The following KCNB2 variants were observed in gnomAD, a reference collection of about 807,000 sequenced individuals.
KCNB2 encodes delayed rectifier potassium channel protein.
Under a neutral mutation model 61.5 loss-of-function variants are expected in KCNB2, and 15 were observed. That is an observed-to-expected ratio of 0.24 (90% CI 0.16 to 0.38). The LOEUF (loss-of-function observed/expected upper bound fraction) is 0.38, where lower values mean the gene tolerates loss of function less well. Among genes scored for constraint, KCNB2 ranks in the 10% least tolerant of loss-of-function variants. KCNB2 has a pLI of 1.00. For missense variants in KCNB2, 828 were observed against 1,125.2 expected (o/e 0.74, Z 3.78); for synonymous variants, 457 against 446.0 (o/e 1.02, Z -0.31).
At chr8:72,600,799 G>C (rs1805336524) in intron 2 of KCNB2, among the ~76,000 whole-genome samples, 1 of 152,020 alleles carries the variant, frequency 6.6e-6, no homozygotes, top group Non-Finnish European at 1.5e-5. Flanking sequence ...AGAACACATG[G>C]ATGCATAGAG....
intron 2 of KCNB2, among the ~76,000 whole-genome samples, chr8:72,796,263 G>A (rs1200042658): frequency 6.6e-6 from 1 of 152,106 alleles, no homozygotes; most frequent in African/African-American, 2.4e-5. Context: ...ACAGATTCAG[G>A]TTTGCTCTTT....
At chr8:72,615,509 T>C (rs1381094382) in intron 2 of KCNB2, among the ~76,000 whole-genome samples, 1 of 152,194 alleles carries the variant, frequency 6.6e-6, no homozygotes, top group African/African-American at 2.4e-5. Flanking sequence ...ATTTGGCCCA[T>C]GGTGGAGCCT....
intron 2 of KCNB2, among the ~76,000 whole-genome samples, chr8:72,780,884 G>C (rs138698840): frequency 6.6e-6 from 1 of 152,192 alleles, no homozygotes; most frequent in African/African-American, 2.4e-5. Context: ...ACCAGCATCT[G>C]ATGTTTCTTG....
intron 2 of KCNB2, among the ~76,000 whole-genome samples, chr8:72,653,631 G>A (rs895716003): frequency 5.9e-5 from 9 of 152,116 alleles, no homozygotes; most frequent in Non-Finnish European, 1.0e-4. Flanking sequence ...CTGACCTGCC[G>A]CTTGTTTCTA....
chr8:72,690,499 TAC>T (rs1222990204), intron 2 of KCNB2, among the ~76,000 whole-genome samples: 1 of 152,224 alleles, frequency 6.6e-6, no homozygotes, highest in Non-Finnish European at 1.5e-5. Flanking sequence ...CATAGTCCAA[TAC>T]ACATGCGTGC....
chr8:72,931,971 C>T (rs1216938153), intron 2 of KCNB2, among the ~76,000 whole-genome samples: 1 of 152,102 alleles, frequency 6.6e-6, no homozygotes, highest in African/African-American at 2.4e-5. Context: ...CAAGATCGTG[C>T]CACTGCACTC....
intron 2 of KCNB2, among the ~76,000 whole-genome samples, chr8:72,695,641 T>TA (rs1282039813): frequency 7.2e-5 from 11 of 152,192 alleles, no homozygotes; most frequent in African/African-American, 2.7e-4. Context: ...CTTTAAACGA[T>TA]AAAGGTAGAG....
intron 2 of KCNB2, among the ~76,000 whole-genome samples, chr8:72,749,830 C>A (rs1477854908): frequency 1.4e-5 from 2 of 143,678 alleles, no homozygotes; most frequent in Non-Finnish European, 3.0e-5. Context: ...ATGATATATA[C>A]AATATAATTT....
chr8:72,611,189 C>T (rs1393139931), intron 2 of KCNB2, among the ~76,000 whole-genome samples: 1 of 152,266 alleles, frequency 6.6e-6, no homozygotes, highest in East Asian at 1.9e-4. Flanking sequence ...TTAGTATTTT[C>T]TTATAGATTT....
intron 2 of KCNB2, among the ~76,000 whole-genome samples, chr8:72,874,376 A>C (rs941750296): frequency 2.6e-5 from 4 of 152,168 alleles, no homozygotes; most frequent in Non-Finnish European, 1.5e-5. Flanking sequence ...CAGCACCTCT[A>C]TCAGGGTGTA....
chr8:72,758,487 A>T (rs918324455), intron 2 of KCNB2, among the ~76,000 whole-genome samples: 1 of 152,228 alleles, frequency 6.6e-6, no homozygotes, highest in Admixed American at 6.5e-5. Flanking sequence ...ATGCACTTAC[A>T]TAGCTAATGA....
chr8:72,746,052 C>T (rs934777266), intron 2 of KCNB2, among the ~76,000 whole-genome samples: 3 of 152,156 alleles, frequency 2.0e-5, no homozygotes, highest in Non-Finnish European at 4.4e-5. Flanking sequence ...GTCCTGAGTA[C>T]AATTTAGGTT....
At chr8:72,705,211 G>C (rs374185512) in intron 2 of KCNB2, among the ~76,000 whole-genome samples, 1 of 152,308 alleles carries the variant, frequency 6.6e-6, no homozygotes, top group African/African-American at 2.4e-5. Context: ...ACTGAAGCTT[G>C]AGCTATTTAC....
intron 2 of KCNB2, among the ~76,000 whole-genome samples, chr8:72,738,887 G>A (rs1807896514): frequency 6.6e-6 from 1 of 151,926 alleles, no homozygotes; most frequent in Admixed American, 6.6e-5. Flanking sequence ...CTTCAATAGG[G>A]GCATCTGGGA....
At chr8:72,659,579 CTG>C (rs1234781589) in intron 2 of KCNB2, among the ~76,000 whole-genome samples, 5 of 152,304 alleles carry the variant, frequency 3.3e-5, no homozygotes, top group South Asian at 2.1e-4. Context: ...CACATTGAAA[CTG>C]TGAAATTTCA....
chr8:72,604,228 A>T (rs1237441474), intron 2 of KCNB2, among the ~76,000 whole-genome samples: 2 of 152,218 alleles, frequency 1.3e-5, no homozygotes. Context: ...ACGAGTTAAG[A>T]TGCAGTAACT....
chr8:72,821,958 C>G (rs1041887989), intron 2 of KCNB2, among the ~76,000 whole-genome samples: 1 of 152,154 alleles, frequency 6.6e-6, no homozygotes, highest in Non-Finnish European at 1.5e-5. Flanking sequence ...GATTCCGCCA[C>G]CTCAATATAT....
At chr8:72,858,210 A>C (rs1201848380) in intron 2 of KCNB2, among the ~76,000 whole-genome samples, 1 of 152,234 alleles carries the variant, frequency 6.6e-6, no homozygotes. Flanking sequence ...AAAAATCCAC[A>C]TTTATTACAT....
At chr8:72,640,538 G>A (rs540301572) in intron 2 of KCNB2, among the ~76,000 whole-genome samples, 37 of 152,190 alleles carry the variant, frequency 2.4e-4, no homozygotes, top group African/African-American at 8.7e-4. Context: ...GATATCTGTA[G>A]TAGCACTCAG....
Sources: allele counts gnomAD v4.1 joint callset (sites outside exome capture counted in the v4.1 genomes callset), GRCh38; gene constraint gnomAD v4.1.1; transcripts MANE v1.5; gene names NCBI Gene and HGNC (gene_info 2026-07-23, HGNC 2026-07-21).